CCDC91: variants seen among roughly 807,000 people sequenced by gnomAD.
CCDC91 encodes the protein coiled-coil domain containing 91, also known as coiled-coil domain-containing protein 91.
CCDC91 carries 48 observed loss-of-function variants against 63.2 expected under a neutral mutation model. The ratio of observed to expected loss-of-function variants is 0.76; its 90% confidence interval spans 0.60 to 0.97. The LOEUF (loss-of-function observed/expected upper bound fraction) is 0.97, where lower values mean the gene tolerates loss of function less well. Ranked by LOEUF, CCDC91 falls within the 50% of genes least tolerant of loss-of-function variation. The pLI, the probability that CCDC91 is intolerant of heterozygous loss-of-function variation, is 0.00. For missense variants in CCDC91, 500 were observed against 494.6 expected (o/e 1.01, Z -0.10); for synonymous variants, 167 against 165.8 (o/e 1.01, Z -0.06).
intron 12 of CCDC91, among the ~76,000 whole-genome samples, chr12:28,493,912 A>T (rs113840951): frequency 1.3e-4 from 19 of 151,838 alleles, no homozygotes; most frequent in Admixed American, 3.3e-4. Context: ...GTCCATGTAT[A>T]TGAGAGTCAT....
chr12:28,380,493 C>A (rs1035268501), intron 7 of CCDC91, among the ~76,000 whole-genome samples: 2 of 152,032 alleles, frequency 1.3e-5, no homozygotes, highest in Non-Finnish European at 2.9e-5. Flanking sequence ...CAATGTGAGT[C>A]TCATTCTATC....
Position 28,417,476 on chromosome 12 carries a change from G to A in CCDC91, c.762+26065G>A, listed in dbSNP as rs142095372. On this transcript the variant is annotated intron_variant, in intron 8 of 12. Transcript: ENST00000536442. ...TCAATAGTTTTTATTTTTCAATAGT[G>A]TTATATGCTTGGAATCAAATAGTAT... is the stretch of plus-strand genomic sequence containing the variant. Among the ~76,000 whole-genome samples, 345 of 151,932 alleles carry A rather than the reference G, an allele frequency of 2.3e-3. 4 individuals carry two copies. Among genetic ancestry groups the A allele is most frequent in the African/African-American group, 8.0e-3 (333 of 41,474 alleles).
intron 11 of CCDC91, among the ~76,000 whole-genome samples, chr12:28,459,452 A>G (rs1054114541): frequency 2.0e-5 from 3 of 152,172 alleles, no homozygotes; most frequent in South Asian, 2.1e-4. Context: ...TGGGTCTCCA[A>G]CAACACAATT....
chr12:28,218,081 C>G (rs1375494531), intron 1 of CCDC91, among the ~76,000 whole-genome samples: 1 of 152,022 alleles, frequency 6.6e-6, no homozygotes, highest in Non-Finnish European at 1.5e-5. Flanking sequence ...GTGTTTGATC[C>G]CTTTAGATAT....
chr12:28,304,717 T>TA, intron 3 of CCDC91: 16 of 1,179,872 alleles, frequency 1.4e-5, no homozygotes, highest in Non-Finnish European at 1.8e-5. Context: ...TAAAGGTCTT[T>TA]ATAGTTTAGA....
intron 8 of CCDC91, among the ~76,000 whole-genome samples, chr12:28,429,788 A>G (rs947854328): frequency 7.9e-5 from 12 of 152,124 alleles, no homozygotes; most frequent in African/African-American, 2.4e-5. Flanking sequence ...GTGCCACTCT[A>G]TGAATTTTGA....
chr12:28,256,956 G>T (rs1946496876), intron 1 of CCDC91: 1 of 402,592 alleles, frequency 2.5e-6, no homozygotes, highest in South Asian at 3.9e-5. Context: ...AAATGTAAAA[G>T]AATATTTTTC....
chr12:28,501,838 G>A (rs1394146841), intron 12 of CCDC91, among the ~76,000 whole-genome samples: 3 of 151,078 alleles, frequency 2.0e-5, no homozygotes, highest in Non-Finnish European at 4.4e-5. Context: ...TCTGGTCCTG[G>A]ACTCTTTTTG....
At chr12:28,351,991 G>A (rs1372578936) in intron 6 of CCDC91, among the ~76,000 whole-genome samples, 1 of 152,152 alleles carries the variant, frequency 6.6e-6, no homozygotes, top group African/African-American at 2.4e-5. Context: ...TGCAGAGTTT[G>A]GTTCCAGACT....
At chr12:28,264,312 C>T (rs557530179) in intron 3 of CCDC91, among the ~76,000 whole-genome samples, 1 of 150,806 alleles carries the variant, frequency 6.6e-6, no homozygotes, top group East Asian at 1.9e-4. Context: ...GAGCATCTAA[C>T]ATAAGAAAGT....
chr12:28,238,637 G>A (rs527423271), intron 1 of CCDC91, among the ~76,000 whole-genome samples: 139 of 152,174 alleles, frequency 9.1e-4, no homozygotes, highest in Non-Finnish European at 1.7e-3. Flanking sequence ...GTTTCTAGTG[G>A]CAAAAACTGG....
At chr12:28,514,457 T>TG (rs1939712647) in intron 12 of CCDC91, among the ~76,000 whole-genome samples, 1 of 141,462 alleles carries the variant, frequency 7.1e-6, no homozygotes, top group Non-Finnish European at 1.7e-5. Flanking sequence ...CTTTAGTTTT[T>TG]TTTTTTGTTT....
intron 3 of CCDC91, among the ~76,000 whole-genome samples, chr12:28,268,054 T>TA (rs1247667413): frequency 7.1e-6 from 1 of 140,726 alleles, no homozygotes; most frequent in Non-Finnish European, 1.5e-5. Context: ...AATTAAAAAT[T>TA]AAAAATAATT....
intron 6 of CCDC91, among the ~76,000 whole-genome samples, chr12:28,326,029 T>G (rs1940962833): frequency 6.6e-6 from 1 of 152,142 alleles, no homozygotes; most frequent in Non-Finnish European, 1.5e-5. Context: ...AAAGTAGCAC[T>G]CTTAATTCCT....
intron 12 of CCDC91, among the ~76,000 whole-genome samples, chr12:28,523,190 T>C (rs995580650): frequency 2.0e-5 from 3 of 152,164 alleles, no homozygotes; most frequent in African/African-American, 7.2e-5. Flanking sequence ...AGTCTCCCAT[T>C]ATTATTGTGT....
At chr12:28,294,747 G>A (rs1949456699) in intron 3 of CCDC91, among the ~76,000 whole-genome samples, 1 of 152,010 alleles carries the variant, frequency 6.6e-6, no homozygotes, top group Admixed American at 6.6e-5. Flanking sequence ...ACTACACCCA[G>A]CTAATTTTTG....
chr12:28,485,221 C>T (rs1012694085), intron 12 of CCDC91, among the ~76,000 whole-genome samples: 22 of 151,508 alleles, frequency 1.5e-4, no homozygotes, highest in African/African-American at 3.1e-4. Context: ...TGCAGTGGCG[C>T]GATCTCCGCT....
chr12:28,236,470 A>G (rs1944955882), intron 1 of CCDC91: 1 of 151,994 alleles, frequency 6.6e-6, no homozygotes, highest in South Asian at 2.1e-4. Context: ...AGTATTTTGT[A>G]TCTGTTATTT....
At chr12:28,196,466 T>G (rs1465304712) in intron 1 of CCDC91, among the ~76,000 whole-genome samples, 1 of 152,242 alleles carries the variant, frequency 6.6e-6, no homozygotes, top group Non-Finnish European at 1.5e-5. Flanking sequence ...TTGCACTGGC[T>G]AGGACCTTTG....
Sources: gnomAD v4.1 joint callset for allele counts (sites outside exome capture counted in the v4.1 genomes callset) on GRCh38, gnomAD v4.1.1 for gene constraint, MANE v1.5 for transcripts, NCBI Gene and HGNC (gene_info 2026-07-23, HGNC 2026-07-21) for gene names.